FOCAD: variants seen among roughly 807,000 people sequenced by gnomAD.
The protein encoded by FOCAD is focadhesin.
A neutral mutation model predicts 225.6 loss-of-function variants in FOCAD; 198 were observed. That is an observed-to-expected ratio of 0.88 (90% confidence interval 0.78 to 0.99). FOCAD has a LOEUF of 0.99. Ranked by LOEUF, FOCAD falls within the 50% of genes least tolerant of loss-of-function variation. FOCAD has a pLI of 0.00. For synonymous variants in FOCAD, 897 were observed against 755.0 expected, an observed-to-expected ratio of 1.19 and a Z score of -3.08; for missense variants, 2,713 against 2,123.6, an observed-to-expected ratio of 1.28 and a Z score of -5.46.
chr9:20,919,115 G>C (rs536341394), intron 24 of FOCAD, among the ~76,000 whole-genome samples: 383 of 152,248 alleles, frequency 2.5e-3, no homozygotes, highest in African/African-American at 8.5e-3. Flanking sequence ...CTTCAGCAAA[G>C]TCTCAGGATA....
At chr9:20,881,272 G>T (rs1398555373) in intron 19 of FOCAD, among the ~76,000 whole-genome samples, 1 of 152,202 alleles carries the variant, frequency 6.6e-6, no homozygotes, top group Non-Finnish European at 1.5e-5. Context: ...TTGAGGAATG[G>T]AAAGAGGCCA....
intron 16 of FOCAD, 55 bp from the exon 17 acceptor site, chr9:20,865,871 G>A (rs1829183622): frequency 4.7e-6 from 6 of 1,282,998 alleles, no homozygotes; most frequent in Non-Finnish European, 6.6e-6. Context: ...GGATTATTTA[G>A]TCTCAGTTTT....
intron 2 of FOCAD, among the ~76,000 whole-genome samples, chr9:20,677,051 A>G (rs567696815): frequency 2.0e-5 from 3 of 152,312 alleles, no homozygotes; most frequent in Non-Finnish European, 4.4e-5. Context: ...AGATAGGCCA[A>G]TGGAACAGAG....
At chr9:20,727,257 T>C (rs1225661427) in intron 4 of FOCAD, among the ~76,000 whole-genome samples, 1 of 152,164 alleles carries the variant, frequency 6.6e-6, no homozygotes, top group Non-Finnish European at 1.5e-5. Context: ...TTCCAGCCAC[T>C]TTTCTGATCT....
chr9:20,800,765 G>T (rs765085684), intron 11 of FOCAD, among the ~76,000 whole-genome samples: 6 of 151,902 alleles, frequency 3.9e-5, no homozygotes, highest in Non-Finnish European at 8.8e-5. Context: ...TTTTTTCAAG[G>T]TTTTTAACTT....
chr9:20,926,416 A>G lies in FOCAD; in HGVS notation c.3077A>G (p.Tyr1026Cys), dbSNP rs1834949154. 1 of 1,542,906 alleles carries G rather than the reference A, an allele frequency of 6.5e-7. No individual in the cohort carries two copies. The highest frequency in any genetic ancestry group is 9.0e-7 in the Non-Finnish European group (1 of 1,115,716). ...PRGQLLSWFYYKSYSGENTAS... is the reference protein window; with the variant it reads ...PRGQLLSWFYCKSYSGENTAS... ...GGGCAACTTCTCTCCTGGTTTTATT[A>G]TGTAAGTGCAAAAAATAAAAAATGA... The change falls in exon 26 of 44, where the codon TAT (tyrosine) becomes TGT (cysteine). Residue 1026 changes from tyrosine to cysteine, a missense_variant and splice_region_variant. By Grantham distance (194) the Tyr-to-Cys change is radical. Transcript: ENST00000338382.
intron 4 of FOCAD, among the ~76,000 whole-genome samples, chr9:20,721,187 T>G (rs1308419388): frequency 2.6e-5 from 4 of 152,200 alleles, no homozygotes; most frequent in African/African-American, 9.6e-5. Flanking sequence ...CACTCTTTGC[T>G]TCAAGAAATT....
At chr9:20,698,897 T>C (rs2131387639) in intron 1 of FOCAD, among the ~76,000 whole-genome samples, 1 of 152,332 alleles carries the variant, frequency 6.6e-6, no homozygotes, top group East Asian at 1.9e-4. Flanking sequence ...TAACTCACTT[T>C]TAAAATGGGA....
chr9:20,827,574 C>T (rs1160893375), intron 15 of FOCAD, among the ~76,000 whole-genome samples: 3 of 151,736 alleles, frequency 2.0e-5, no homozygotes, highest in Non-Finnish European at 4.4e-5. Context: ...AAAGGAGATC[C>T]TGCCATTTGG....
intron 2 of FOCAD, among the ~76,000 whole-genome samples, chr9:20,677,659 T>A (rs550552430): frequency 2.5e-4 from 37 of 149,132 alleles, no homozygotes; most frequent in Middle Eastern, 3.4e-3. Context: ...CAATAAGATA[T>A]AACCTCAAAC....
chr9:20,723,921 G>A (rs1218009412), intron 4 of FOCAD, among the ~76,000 whole-genome samples: 5 of 151,994 alleles, frequency 3.3e-5, no homozygotes, highest in African/African-American at 1.2e-4. Context: ...GAAGCTTACA[G>A]TCACGGTGGA....
At chr9:20,769,908 T>C (rs1050967507) in intron 7 of FOCAD, 124 bp from the exon 8 acceptor site, 3 of 802,678 alleles carry the variant, frequency 3.7e-6, no homozygotes, top group South Asian at 1.9e-5. Context: ...TAACTTTTTT[T>C]CATCTCCTTT....
chr9:20,944,857 G>A, intron 29 of FOCAD, 83 bp downstream of exon 29: 7 of 1,376,914 alleles, frequency 5.1e-6, no homozygotes, highest in South Asian at 1.6e-5. Flanking sequence ...ACCATATTTT[G>A]GTAACCCTAT....
chr9:20,923,612 C>A, intron 24 of FOCAD, 48 bp from the exon 25 acceptor site: 1 of 1,447,032 alleles, frequency 6.9e-7, no homozygotes, highest in Non-Finnish European at 9.7e-7. Context: ...TTCTCTTCTT[C>A]TGGTTAATAC....
intron 30 of FOCAD, 40 bp from the exon 31 acceptor site, chr9:20,948,231 T>A: frequency 6.4e-7 from 1 of 1,551,154 alleles, no homozygotes; most frequent in Non-Finnish European, 8.7e-7. Flanking sequence ...GTGTCTTTTT[T>A]TTTTCTTTTT....
intron 11 of FOCAD, among the ~76,000 whole-genome samples, chr9:20,810,387 A>G (rs1272237964): frequency 6.6e-6 from 1 of 152,264 alleles, no homozygotes; most frequent in East Asian, 1.9e-4. Flanking sequence ...TACCAATGAC[A>G]GACATAGTAG....
intron 28 of FOCAD, among the ~76,000 whole-genome samples, chr9:20,938,505 C>G (rs1225260199): frequency 6.6e-6 from 1 of 151,608 alleles, no homozygotes; most frequent in African/African-American, 2.4e-5. Flanking sequence ...CACATGTTCT[C>G]ACTCATAGGT....
At chr9:20,770,562 G>A in intron 8 of FOCAD, among the ~76,000 whole-genome samples, 1 of 152,168 alleles carries the variant, frequency 6.6e-6, no homozygotes, top group East Asian at 1.9e-4. Flanking sequence ...CATTCATGAG[G>A]AACACCTTTG....
chr9:20,679,243 G>A (rs1294387586), intron 2 of FOCAD, among the ~76,000 whole-genome samples: 10 of 147,484 alleles, frequency 6.8e-5, no homozygotes, highest in Admixed American at 2.7e-4. Flanking sequence ...AAGAACTTTC[G>A]CTTTTACTTA....
Sources: allele counts gnomAD v4.1 joint callset (sites outside exome capture counted in the v4.1 genomes callset), GRCh38; gene constraint gnomAD v4.1.1; transcripts MANE v1.5; gene names NCBI Gene and HGNC (gene_info 2026-07-23, HGNC 2026-07-21).